The following C1QTNF3 variants were observed in gnomAD, a reference collection of about 807,000 sequenced individuals.
The protein encoded by C1QTNF3 is complement C1q tumor necrosis factor-related protein 3.
Under a neutral mutation model 32.6 loss-of-function variants are expected in C1QTNF3, and 26 were observed. The ratio of observed to expected loss-of-function variants is 0.80; its 90% CI spans 0.58 to 1.11. C1QTNF3 has a LOEUF of 1.11. C1QTNF3 is among the 50% of genes least tolerant of loss of function. The pLI is 0.00. For missense variants in C1QTNF3, 362 were observed against 398.2 expected (o/e 0.91, Z 0.77); for synonymous variants, 155 against 146.0 (o/e 1.06, Z -0.44).
At chr5:34,048,728 C>A in the C1QTNF3 span, among the ~76,000 whole-genome samples, 2 of 152,002 alleles carry the variant, frequency 1.3e-5, no homozygotes, top group Admixed American at 6.6e-5. Flanking sequence ...CTACAGCCAT[C>A]CAGGACCCTC....
the C1QTNF3 span, among the ~76,000 whole-genome samples, chr5:34,214,869 G>A: frequency 6.6e-6 from 1 of 152,102 alleles, no homozygotes; most frequent in Non-Finnish European, 1.5e-5. Context: ...AGTATTACAG[G>A]AATCCTGGCA....
At chr5:34,155,524 C>G in the C1QTNF3 span, among the ~76,000 whole-genome samples, 13 of 152,214 alleles carry the variant, frequency 8.5e-5, no homozygotes, top group Admixed American at 7.2e-4. Flanking sequence ...ATCAGAGTAT[C>G]TGTGGAAGGC....
chr5:34,039,599 C>T (rs1754819518), intron 1 of C1QTNF3, among the ~76,000 whole-genome samples: 1 of 152,180 alleles, frequency 6.6e-6, no homozygotes, highest in African/African-American at 2.4e-5. Flanking sequence ...AGCATGCATA[C>T]CACATTGGGC....
At chr5:34,031,490 T>G (rs771875321) in intron 3 of C1QTNF3, among the ~76,000 whole-genome samples, 1 of 152,206 alleles carries the variant, frequency 6.6e-6, no homozygotes, top group Non-Finnish European at 1.5e-5. Context: ...TCTAGCCTTT[T>G]TGTTTGTAAA....
chr5:34,036,559 T>C (rs1207415495), intron 1 of C1QTNF3, among the ~76,000 whole-genome samples: 1 of 152,198 alleles, frequency 6.6e-6, no homozygotes, highest in Non-Finnish European at 1.5e-5. Flanking sequence ...ATAAGTCCAA[T>C]ACATTTTTAT....
the C1QTNF3 span, among the ~76,000 whole-genome samples, chr5:34,073,691 A>G: frequency 2.0e-5 from 3 of 152,084 alleles, no homozygotes; most frequent in Non-Finnish European, 4.4e-5. Flanking sequence ...TTCCTTCACA[A>G]TGTATTTTAT....
At chr5:34,215,355 T>G in the C1QTNF3 span, among the ~76,000 whole-genome samples, 1 of 152,160 alleles carries the variant, frequency 6.6e-6, no homozygotes, top group African/African-American at 2.4e-5. Context: ...AACTTTGATG[T>G]GCTACAGCAC....
At chr5:34,111,816 G>C in the C1QTNF3 span, among the ~76,000 whole-genome samples, 4 of 152,140 alleles carry the variant, frequency 2.6e-5, no homozygotes, top group African/African-American at 9.7e-5. Flanking sequence ...CATTTGGGAT[G>C]AAAGTAAAAA....
the C1QTNF3 span, among the ~76,000 whole-genome samples, chr5:34,225,664 A>T: frequency 1.3e-5 from 2 of 151,014 alleles, no homozygotes; most frequent in African/African-American, 4.9e-5. Context: ...CATAGTCTAA[A>T]TTTTTTTTTA....
At chr5:34,166,663 T>C in the C1QTNF3 span, 1 of 152,304 alleles carries the variant, frequency 6.6e-6, no homozygotes, top group South Asian at 2.1e-4. Flanking sequence ...ATAAAGTTTA[T>C]TCATCCAAAA....
the C1QTNF3 span, among the ~76,000 whole-genome samples, chr5:34,201,844 C>T: frequency 6.6e-6 from 1 of 152,196 alleles, no homozygotes; most frequent in African/African-American, 2.4e-5. Flanking sequence ...ACTAAAGTAG[C>T]TGTGGCATGG....
At chr5:34,134,703 T>C in the C1QTNF3 span, among the ~76,000 whole-genome samples, 3 of 152,156 alleles carry the variant, frequency 2.0e-5, no homozygotes, top group Non-Finnish European at 2.9e-5. Context: ...GGGAGTTCAC[T>C]CATGATTTGG....
intron 2 of C1QTNF3, among the ~76,000 whole-genome samples, chr5:34,034,906 G>C (rs1171627890): frequency 6.6e-6 from 1 of 152,150 alleles, no homozygotes; most frequent in Non-Finnish European, 1.5e-5. Flanking sequence ...AAAAAAAATT[G>C]AACCACATTT....
the C1QTNF3 span, among the ~76,000 whole-genome samples, chr5:34,221,455 G>A: frequency 6.6e-6 from 1 of 152,040 alleles, no homozygotes; most frequent in African/African-American, 2.4e-5. Flanking sequence ...CTTTATCAAA[G>A]GAGAAGGAAT....
chr5:34,078,945 C>T, the C1QTNF3 span, among the ~76,000 whole-genome samples: 57 of 151,522 alleles, frequency 3.8e-4, no homozygotes, highest in Admixed American at 7.2e-4. This position sits in a 1 kb window ranked among gnomAD's most constrained non-coding sequence, Gnocchi z 4.0. Flanking sequence ...CAAATAGAAA[C>T]GGAAACAAAT....
At chr5:34,124,191 T>C in the C1QTNF3 span, 4 of 416,404 alleles carry the variant, frequency 9.6e-6, no homozygotes, top group Admixed American at 4.0e-5. Flanking sequence ...CGTCCTTTTA[T>C]TAATTAGTTT....
the C1QTNF3 span, among the ~76,000 whole-genome samples, chr5:34,059,430 A>C: frequency 1.4e-4 from 22 of 152,250 alleles, no homozygotes; most frequent in African/African-American, 5.3e-4. Flanking sequence ...TTAAGCAACA[A>C]GTATTTATTT....
chr5:34,124,585 G>A, the C1QTNF3 span: 6 of 578,830 alleles, frequency 1.0e-5, no homozygotes, highest in Middle Eastern at 3.8e-4. Flanking sequence ...CAGCACTAAG[G>A]GGATGGTATT....
chr5:34,117,219 A>G, the C1QTNF3 span, among the ~76,000 whole-genome samples: 160 of 152,266 alleles, frequency 1.1e-3, 1 homozygote, highest in African/African-American at 3.8e-3. Context: ...TTAAGTGGCT[A>G]TATTCTAGTA....
Sources: gnomAD v4.1 joint callset for allele counts (sites outside exome capture counted in the v4.1 genomes callset) on GRCh38, gnomAD v4.1.1 for gene constraint, Gnocchi (gnomAD v3.1) non-coding constraint, MANE v1.5 for transcripts, NCBI Gene and HGNC (gene_info 2026-07-23, HGNC 2026-07-21) for gene names.